The following DHCR24 variants were observed in gnomAD, a reference collection of about 807,000 sequenced individuals.
The protein encoded by DHCR24 is 24-dehydrocholesterol reductase, also known as delta(24)-sterol reductase.
A neutral mutation model predicts 61.2 loss-of-function variants in DHCR24; 28 were observed. That is an observed-to-expected ratio of 0.46 (90% CI 0.34 to 0.63). The LOEUF (loss-of-function observed/expected upper bound fraction) is 0.63. DHCR24 is among the 20% of genes least tolerant of loss of function. The pLI, the probability that DHCR24 is intolerant of heterozygous loss-of-function variation, is 0.01. For missense variants in DHCR24, 538 were observed against 679.1 expected, an observed-to-expected ratio of 0.79 and a Z score of 2.31; for synonymous variants, 261 against 275.9, an observed-to-expected ratio of 0.95 and a Z score of 0.54.
At chr1:54,884,661 C>T (rs1373955262) in intron 1 of DHCR24, among the ~76,000 whole-genome samples, 1 of 152,224 alleles carries the variant, frequency 6.6e-6, no homozygotes, top group Non-Finnish European at 1.5e-5. Context: ...CAATCCCCAT[C>T]TTCCTTTGGT....
Position 54,871,454 on chromosome 1 carries a change from C to T in DHCR24, c.772G>A (p.Glu258Lys), listed in dbSNP as rs776036482. Residue 258 changes from glutamate to lysine, a missense_variant, in exon 5 of 9, where the codon GAG becomes AAG. Glu to Lys is a moderately conservative substitution (Grantham distance 56). Coordinates refer to ENST00000371269, the MANE Select transcript of DHCR24 (RefSeq NM_014762.4). ...AAGTGGTTCTCCTGCCGCTGGGACT[C>T]GTGGGTGAACTTGGCACAGATAGCC... The part of the protein sequence containing the change: ...LEAICAKFTH[E>K]SQRQENHFVE... 3.1e-6 allele frequency: 5 copies of T among 1,614,074 alleles called. No homozygotes were observed. Among genetic ancestry groups the T allele is most frequent in the Middle Eastern group, 1.6e-4 (1 of 6,084 alleles).
chr1:54,881,762 T>C (rs994332346), intron 2 of DHCR24, among the ~76,000 whole-genome samples: 3 of 152,200 alleles, frequency 2.0e-5, no homozygotes, highest in African/African-American at 7.2e-5. Flanking sequence ...AGTGGTAGAC[T>C]GGATAAAGAA....
chr1:54,875,977 A>T lies in DHCR24; in HGVS notation c.458T>A (p.Leu153His). The change falls in exon 3 of 9, where the codon CTC becomes CAC. Residue 153 changes from leucine to histidine, a missense_variant. Physicochemically the swap from Leu to His is moderately conservative, Grantham distance 99. Coordinates refer to ENST00000371269, the MANE Select transcript of DHCR24 (RefSeq NM_014762.4). ...TALLTSIGWT[L>H]PVLPELDDLT... ...GTCATCAAGCTCAGGCAACACGGGG[A>T]GAGTCCAGCCAATGGAGGTCAGCAG... 2 of 1,613,946 alleles carry T rather than the reference A, an allele frequency of 1.2e-6. No individual in the cohort carries two copies. Among genetic ancestry groups the T allele is most frequent in the Non-Finnish European group, 1.7e-6 (2 of 1,179,878 alleles).
intron 6 of DHCR24, among the ~76,000 whole-genome samples, chr1:54,863,275 C>T (rs1646948916): frequency 6.6e-6 from 1 of 152,104 alleles, no homozygotes; most frequent in African/African-American, 2.4e-5. Context: ...CACTCCCGTC[C>T]CCATCCACTC....
chr1:54,853,255 C>G (rs1015229772), intron 8 of DHCR24, among the ~76,000 whole-genome samples, 179 bp downstream of exon 8: 1 of 152,116 alleles, frequency 6.6e-6, no homozygotes, highest in Admixed American at 6.5e-5. Flanking sequence ...CAAGCCCACC[C>G]CCTGCCCATC....
In DHCR24 at chr1:54,850,156, T is replaced by C. The variant is rs1011946665; in HGVS notation, c.*2077A>G. On this transcript the variant is annotated 3_prime_UTR_variant, in exon 9 of 9. Transcript: ENST00000371269. ...AATACCTTCCTTTCCAAGCCCCGGG[T>C]TGTGGATAAGGTCTGGATTTTGGTT... 6.6e-6 allele frequency: 1 copy of C among 152,054 alleles called. No individual in the cohort carries two copies. Among genetic ancestry groups the C allele is most frequent in the Non-Finnish European group, 1.5e-5 (1 of 68,008 alleles). 9.4% of individuals were successfully genotyped at this position (152,054 alleles called of 1,614,324 possible).
chr1:54,882,891 C>A (rs1423283839), intron 2 of DHCR24, among the ~76,000 whole-genome samples: 1 of 151,840 alleles, frequency 6.6e-6, no homozygotes, highest in African/African-American at 2.4e-5. Flanking sequence ...TACCAAGGAG[C>A]ATGAGGAGAT....
At chr1:54,853,799 G>T (rs1474581313) in intron 7 of DHCR24, among the ~76,000 whole-genome samples, 187 bp from the exon 8 acceptor site, 1 of 152,112 alleles carries the variant, frequency 6.6e-6, no homozygotes, top group African/African-American at 2.4e-5. Flanking sequence ...CACCTTGGAG[G>T]ACACAATCGG....
chr1:54,870,217 CAA>C (rs34622851), intron 5 of DHCR24, among the ~76,000 whole-genome samples: 28 of 145,444 alleles, frequency 1.9e-4, no homozygotes, highest in African/African-American at 4.6e-4. Flanking sequence ...GACCCTGTCT[CAA>C]AAAAAAAAAC....
At position 54,872,770 on chromosome 1, in the gene DHCR24, G is replaced by A. The variant is rs146801806; in HGVS notation, c.613-1157C>T. On this transcript the variant is annotated intron_variant, in intron 4 of 8. Transcript: ENST00000371269. Reference sequence around the variant, plus strand: ...CAAATGTCAGTCTCCTTTCTCTGCCGATAATAAATAGGTCAAAAGACAGGG... The same window carrying A: ...CAAATGTCAGTCTCCTTTCTCTGCCAATAATAAATAGGTCAAAAGACAGGG... Among the ~76,000 whole-genome samples the A allele has an allele frequency of 1.7e-3, 263 of 152,300 alleles. No homozygotes were observed. The South Asian group carries it at 0.024, about 14-fold the overall frequency.
intron 6 of DHCR24, among the ~76,000 whole-genome samples, chr1:54,856,855 C>T (rs1370209066): frequency 6.6e-6 from 1 of 152,124 alleles, no homozygotes; most frequent in Non-Finnish European, 1.5e-5. Context: ...TTATACTCTC[C>T]CAGACAATGT....
In DHCR24 at chr1:54,863,007, C is replaced by T. The variant is rs191745995; in HGVS notation, c.1020+2296G>A. ...AAGAGAATGGCATGAACCCGGGAAGCGGAGCATGCAGTGGGCGAAATTGCG... is the reference window on the plus strand; with the variant it reads ...AAGAGAATGGCATGAACCCGGGAAGTGGAGCATGCAGTGGGCGAAATTGCG... On this transcript the variant is annotated intron_variant, in intron 6 of 8. Coordinates refer to ENST00000371269, the MANE Select transcript of DHCR24 (RefSeq NM_014762.4). Among the ~76,000 whole-genome samples the T allele has an allele frequency of 3.4e-3, 464 of 138,074 alleles. 1 individual carries two copies. Among genetic ancestry groups the T allele is most frequent in the Admixed American group, 0.01 (126 of 12,138 alleles). The allele number at this position is 138,074 out of a possible 152,430, so 90.6% of individuals were successfully genotyped here.
chr1:54,884,440 G>C (rs1238556964), intron 1 of DHCR24, among the ~76,000 whole-genome samples: 1 of 152,154 alleles, frequency 6.6e-6, no homozygotes, highest in Non-Finnish European at 1.5e-5. Flanking sequence ...AGCAGGGAAG[G>C]ACCACCAAGC....
intron 3 of DHCR24, 39 bp downstream of exon 3, chr1:54,875,903 C>A: frequency 6.4e-7 from 1 of 1,558,972 alleles, no homozygotes; most frequent in Non-Finnish European, 8.9e-7. Context: ...GGTCCTAGGA[C>A]CGTGTGTCTC....
intron 2 of DHCR24, among the ~76,000 whole-genome samples, chr1:54,878,514 C>CAA (rs56198608): frequency 1.7e-4 from 9 of 54,326 alleles, no homozygotes; most frequent in East Asian, 1.4e-3. Flanking sequence ...AACTCTGTCT[C>CAA]AAAAAAAAAA....
At chr1:54,874,219 TAA>T (rs1389286946) in intron 4 of DHCR24, among the ~76,000 whole-genome samples, 1 of 152,248 alleles carries the variant, frequency 6.6e-6, no homozygotes, top group Admixed American at 6.5e-5. Context: ...ACAGTGTTTA[TAA>T]AGTCTACAGT....
chr1:54,865,570 A>G, intron 5 of DHCR24, 124 bp from the exon 6 acceptor site: 1 of 1,303,620 alleles, frequency 7.7e-7, no homozygotes, highest in East Asian at 2.3e-5. Context: ...CATGTCTATT[A>G]CTGCCTTTGA....
intron 6 of DHCR24, among the ~76,000 whole-genome samples, chr1:54,861,019 TA>T (rs1646935022): frequency 6.6e-6 from 1 of 150,764 alleles, no homozygotes; most frequent in Non-Finnish European, 1.5e-5. Flanking sequence ...AAACTTTTGG[TA>T]ATTTAAAACC....
At chr1:54,853,650 T>A in intron 7 of DHCR24, 38 bp from the exon 8 acceptor site, 1 of 1,592,930 alleles carries the variant, frequency 6.3e-7, no homozygotes, top group Non-Finnish European at 8.5e-7. Flanking sequence ...GTGCTTTTTC[T>A]CCAACAGGTG....
Sources: allele counts gnomAD v4.1 joint callset (sites outside exome capture counted in the v4.1 genomes callset), GRCh38; gene constraint gnomAD v4.1.1; transcripts MANE v1.5; gene names NCBI Gene and HGNC (gene_info 2026-07-23, HGNC 2026-07-21).